Variants in RAB28 observed in about 807,000 individuals in gnomAD.
RAB28 encodes ras-related protein Rab-28.
In RAB28, 24 loss-of-function variants were observed where a neutral mutation model predicts 31.7. That is an observed-to-expected ratio of 0.76 (90% CI 0.55 to 1.06). The LOEUF is 1.06. Among genes scored for constraint, RAB28 ranks in the 50% least tolerant of loss-of-function variants. The probability of loss-of-function intolerance (pLI) is 0.00; values close to 1 mark genes in which losing one functional copy is unlikely to be tolerated. For missense variants in RAB28, 254 were observed against 258.5 expected (o/e 0.98, Z 0.12); for synonymous variants, 100 against 90.4 (o/e 1.11, Z -0.60).
At chr4:13,391,425 G>A (rs1199473932) in intron 4 of RAB28, among the ~76,000 whole-genome samples, 1 of 152,188 alleles carries the variant, frequency 6.6e-6, no homozygotes, top group Admixed American at 6.5e-5. Flanking sequence ...GAGACAATGT[G>A]GAGAAATAGG....
chr4:13,412,635 A>G (rs1158992669), intron 4 of RAB28, among the ~76,000 whole-genome samples: 2 of 152,146 alleles, frequency 1.3e-5, no homozygotes, highest in Non-Finnish European at 2.9e-5. Flanking sequence ...GTGAAGAATA[A>G]TAATACAGGA....
At position 13,370,182 on chromosome 4, in the gene RAB28, C is replaced by G. The variant is rs541966065; in HGVS notation, c.574-1532G>C. On this transcript the variant is annotated intron_variant, in intron 6 of 6. Coordinates refer to ENST00000330852, the MANE Select transcript of RAB28 (RefSeq NM_001017979.3). The stretch of plus-strand genomic sequence containing the variant: ...AAAGAAAAGGAAAGGAACAAAGACC[C>G]AAGAAACATTATTCTTTGTAATTCT... 3.1e-5 allele frequency: 30 copies of G among 980,056 alleles called. No individual in the cohort carries two copies. The South Asian group carries it at 1.1e-3, about 37-fold the overall frequency. The allele number at this position is 980,056 out of a possible 1,614,324, so 60.7% of individuals were successfully genotyped here. A position where few individuals can be genotyped will look rare whatever the true frequency, so the allele number is the denominator to read the frequency against.
At chr4:13,457,067 A>G (rs1471394793) in intron 4 of RAB28, among the ~76,000 whole-genome samples, 1 of 152,218 alleles carries the variant, frequency 6.6e-6, no homozygotes, top group Non-Finnish European at 1.5e-5. Flanking sequence ...CACAGCCTAC[A>G]CATTTCTTTT....
intron 6 of RAB28, among the ~76,000 whole-genome samples, chr4:13,375,138 G>A (rs1433757002): frequency 5.3e-5 from 8 of 152,168 alleles, no homozygotes; most frequent in Middle Eastern, 3.4e-3. Context: ...AGAGACCTGG[G>A]TGCAAATTCT....
In RAB28 at chr4:13,484,278, G is replaced by T; in HGVS notation, c.-128C>A. 1.4e-6 allele frequency: 1 copy of T among 707,994 alleles called. No individual in the cohort carries two copies. The highest frequency in any genetic ancestry group is 2.5e-6 in the Non-Finnish European group (1 of 395,304). The allele number at this position is 707,994 out of a possible 1,614,324, so 43.9% of individuals were successfully genotyped here. On this transcript the variant is annotated 5_prime_UTR_variant, in exon 1 of 7. Transcript: ENST00000330852. Reference sequence around the variant, plus strand: ...CCCCCGCCCCGGTGTCTCCGCGCCGGCAGGAGGTATTCGAGGAGAATCACT... The same window carrying T: ...CCCCCGCCCCGGTGTCTCCGCGCCGTCAGGAGGTATTCGAGGAGAATCACT...
rs755103312 is a variant in RAB28 at position 13,370,658 on chromosome 4, A to G, written c.574-2008T>C. 69 of 984,770 alleles carry G rather than the reference A, an allele frequency of 7.0e-5. No individual in the cohort carries two copies. In the East Asian group the frequency reaches 1.5e-3, roughly 21 times the overall value. The allele number at this position is 984,770 out of a possible 1,614,324, so 61.0% of individuals were successfully genotyped here. On this transcript the variant is annotated intron_variant, in intron 6 of 6. Coordinates refer to ENST00000330852, the MANE Select transcript of RAB28 (RefSeq NM_001017979.3). ...ACAATTTTTATATTTAATACTATTT[A>G]TTACTTGTCCAAGACTTCCTTATGA...
chr4:13,419,713 G>C (rs1323175430), intron 4 of RAB28, among the ~76,000 whole-genome samples: 1 of 152,116 alleles, frequency 6.6e-6, no homozygotes, highest in East Asian at 1.9e-4. Context: ...TGAGAACAAA[G>C]ACACAATGTA....
Position 13,367,984 on chromosome 4 carries a change from T to C in RAB28, c.*574A>G. 2 of 969,682 alleles carry C rather than the reference T, an allele frequency of 2.1e-6. No homozygotes were observed. Among genetic ancestry groups the C allele is most frequent in the Non-Finnish European group, 2.5e-6 (2 of 815,656 alleles). The allele number at this position is 969,682 out of a possible 1,614,324, so 60.1% of individuals were successfully genotyped here. A position where few individuals can be genotyped will look rare whatever the true frequency, so the allele number is the denominator to read the frequency against. Reference sequence around the variant, plus strand: ...GTTACAAACTACAATATAAACAATTTAGGCCCTTTTTTAAAAAATGAAAAA... The same window carrying C: ...GTTACAAACTACAATATAAACAATTCAGGCCCTTTTTTAAAAAATGAAAAA... On this transcript the variant is annotated 3_prime_UTR_variant, in exon 7 of 7. Coordinates refer to ENST00000330852, the MANE Select transcript of RAB28 (RefSeq NM_001017979.3).
chr4:13,379,686 TA>T (rs964677926), intron 5 of RAB28, among the ~76,000 whole-genome samples: 21 of 152,172 alleles, frequency 1.4e-4, no homozygotes, highest in Admixed American at 4.6e-4. Flanking sequence ...ACTGAGATAA[TA>T]GAAGAGCCAC....
At chr4:13,424,058 T>A (rs539747043) in intron 4 of RAB28, among the ~76,000 whole-genome samples, 1 of 152,258 alleles carries the variant, frequency 6.6e-6, no homozygotes, top group Admixed American at 6.5e-5. Flanking sequence ...CATCGGCCAA[T>A]AAAAATGTCA....
chr4:13,422,932 CA>C (rs1348062551), intron 4 of RAB28, among the ~76,000 whole-genome samples: 2 of 150,178 alleles, frequency 1.3e-5, no homozygotes, highest in African/African-American at 2.4e-5. Flanking sequence ...AAATGCCTAT[CA>C]AAAAAAGTAC....
At chr4:13,443,180 T>G (rs1187199553) in intron 4 of RAB28, among the ~76,000 whole-genome samples, 3 of 140,208 alleles carry the variant, frequency 2.1e-5, no homozygotes, top group Non-Finnish European at 4.8e-5. Context: ...ATATAAATGG[T>G]TTTTTTTTTT....
chr4:13,389,586 T>C (rs1240318421), intron 4 of RAB28, among the ~76,000 whole-genome samples: 2 of 152,152 alleles, frequency 1.3e-5, no homozygotes, highest in African/African-American at 2.4e-5. Context: ...GAAGTACTCA[T>C]CACTTACCCT....
Position 13,368,061 on chromosome 4 carries a change from T to C in RAB28, c.*497A>G, listed in dbSNP as rs149637243. On this transcript the variant is annotated 3_prime_UTR_variant, in exon 7 of 7. Coordinates refer to ENST00000330852, the MANE Select transcript of RAB28 (RefSeq NM_001017979.3). ...GCATTTTCAGTTAGAAACAGCTTTA[T>C]ATACTTTTACTCACGATAGCGAAAG... The C allele has an allele frequency of 2.0e-3, 1,917 of 976,862 alleles. 7 individuals are homozygous for C. The highest frequency in any genetic ancestry group is 2.0e-3 in the Non-Finnish European group (1,623 of 822,140). The allele number at this position is 976,862 out of a possible 1,614,324, so 60.5% of individuals were successfully genotyped here. A position where few individuals can be genotyped will look rare whatever the true frequency, so the allele number is the denominator to read the frequency against.
chr4:13,398,204 T>A (rs1560276563), intron 4 of RAB28, among the ~76,000 whole-genome samples: 1 of 152,134 alleles, frequency 6.6e-6, no homozygotes, highest in African/African-American at 2.4e-5. Flanking sequence ...TGTAAAAAAT[T>A]TGTGCATATA....
intron 4 of RAB28, among the ~76,000 whole-genome samples, chr4:13,391,306 G>A (rs544977937): frequency 6.6e-5 from 10 of 152,228 alleles, no homozygotes; most frequent in South Asian, 2.1e-4. Context: ...ATGAAAAAAC[G>A]CTCATCATCA....
intron 1 of RAB28, among the ~76,000 whole-genome samples, chr4:13,481,466 T>A (rs1246640093): frequency 6.6e-6 from 1 of 152,066 alleles, no homozygotes; most frequent in Non-Finnish European, 1.5e-5. Flanking sequence ...TAATTACAGG[T>A]ATTAAGTGAA....
chr4:13,460,463 G>A (rs1157809060), intron 4 of RAB28, among the ~76,000 whole-genome samples: 1 of 152,108 alleles, frequency 6.6e-6, no homozygotes, highest in East Asian at 1.9e-4. Context: ...CAATCCCCCT[G>A]CCTTGGCCTC....
chr4:13,483,267 G>A (rs556620665), intron 1 of RAB28, among the ~76,000 whole-genome samples: 1 of 152,226 alleles, frequency 6.6e-6, no homozygotes, highest in South Asian at 2.1e-4. Flanking sequence ...TAATAAGACT[G>A]ACGCTGCCTG....
Sources: gnomAD v4.1 joint callset for allele counts (sites outside exome capture counted in the v4.1 genomes callset) on GRCh38, gnomAD v4.1.1 for gene constraint, MANE v1.5 for transcripts, NCBI Gene and HGNC (gene_info 2026-07-23, HGNC 2026-07-21) for gene names.